The following DCBLD1 variants were observed in gnomAD, a reference collection of about 807,000 sequenced individuals.
DCBLD1 encodes discoidin, CUB and LCCL domain-containing protein 1.
A neutral mutation model predicts 71.5 loss-of-function variants in DCBLD1; 57 were observed. The observed-to-expected ratio is 0.80, with a 90% CI of 0.64 to 0.99. The LOEUF (loss-of-function observed/expected upper bound fraction) is 0.99, where lower values mean the gene tolerates loss of function less well. DCBLD1 is among the 50% of genes least tolerant of loss of function. The pLI is 0.00. For synonymous variants in DCBLD1, 380 were observed against 363.8 expected, an observed-to-expected ratio of 1.04 and a Z score of -0.51; for missense variants, 891 against 923.5, an observed-to-expected ratio of 0.96 and a Z score of 0.46.
chr6:117,494,020 T>A (rs2114385772), intron 1 of DCBLD1, among the ~76,000 whole-genome samples: 1 of 152,168 alleles, frequency 6.6e-6, no homozygotes, highest in South Asian at 2.1e-4. Context: ...AAAACTATCA[T>A]TATCAGATAT....
chr6:117,505,206 A>G (rs1456836926), intron 2 of DCBLD1, among the ~76,000 whole-genome samples: 1 of 152,218 alleles, frequency 6.6e-6, no homozygotes, highest in Non-Finnish European at 1.5e-5. Flanking sequence ...TTTTAACTGT[A>G]GTTTGACTCA....
chr6:117,534,312 T>C (rs1778817043), intron 6 of DCBLD1, among the ~76,000 whole-genome samples: 1 of 152,240 alleles, frequency 6.6e-6, no homozygotes, highest in African/African-American at 2.4e-5. Flanking sequence ...TTTCAGAACA[T>C]TAAATTTTAT....
intron 14 of DCBLD1, chr6:117,547,670 T>TCGC (rs1562126347): frequency 1.6e-5 from 13 of 814,128 alleles, no homozygotes; most frequent in South Asian, 8.7e-5. Context: ...GACGTCGTCG[T>TCGC]CGCCCCCATC....
chr6:117,531,511 G>C (rs1778718882), intron 5 of DCBLD1, among the ~76,000 whole-genome samples: 1 of 152,172 alleles, frequency 6.6e-6, no homozygotes, highest in South Asian at 2.1e-4. Flanking sequence ...TGTTCCTGCT[G>C]CATCTGTCAG....
intron 14 of DCBLD1, chr6:117,561,477 AT>A: frequency 5.0e-5 from 11 of 219,468 alleles, no homozygotes; most frequent in East Asian, 6.7e-5. Context: ...ACAATGGACA[AT>A]TTTTTTGACT....
intron 14 of DCBLD1, chr6:117,566,769 T>C (rs762280339): frequency 1.2e-5 from 10 of 818,494 alleles, no homozygotes; most frequent in African/African-American, 1.7e-5. Context: ...CAAAACAGTT[T>C]TACTGAAGAA....
intron 1 of DCBLD1, among the ~76,000 whole-genome samples, chr6:117,499,400 G>A (rs577249322): frequency 1.3e-5 from 2 of 150,162 alleles, no homozygotes; most frequent in South Asian, 2.1e-4. Flanking sequence ...GAATGAGACC[G>A]TCTCAAAAAG....
At chr6:117,539,230 C>A in intron 8 of DCBLD1, 25 bp from the exon 9 acceptor site, 2 of 1,502,306 alleles carry the variant, frequency 1.3e-6, no homozygotes, top group Non-Finnish European at 1.8e-6. Flanking sequence ...TTAAAAATAG[C>A]CTGTAAATAT....
At chr6:117,489,479 T>C (rs1357294246) in intron 1 of DCBLD1, among the ~76,000 whole-genome samples, 1 of 152,098 alleles carries the variant, frequency 6.6e-6, no homozygotes, top group African/African-American at 2.4e-5. Flanking sequence ...GATTTTTTTG[T>C]AGGAAAAGCT....
chr6:117,502,954 G>A (rs961729924), intron 1 of DCBLD1, among the ~76,000 whole-genome samples: 2 of 152,122 alleles, frequency 1.3e-5, no homozygotes, highest in Middle Eastern at 3.2e-3. Flanking sequence ...ATGAAATGCT[G>A]GTAATTCGCT....
intron 1 of DCBLD1, among the ~76,000 whole-genome samples, chr6:117,497,208 A>G (rs939718057): frequency 5.3e-5 from 8 of 152,226 alleles, no homozygotes; most frequent in Non-Finnish European, 1.0e-4. Context: ...AAATTTAAAA[A>G]AAGTATATTT....
At chr6:117,508,062 A>G (rs140403827) in intron 2 of DCBLD1, 120 of 152,310 alleles carry the variant, frequency 7.9e-4, no homozygotes, top group African/African-American at 2.6e-3. Flanking sequence ...TTGTTCTTCA[A>G]AGAGGCCCAT....
chr6:117,512,117 A>G (rs1778043809), intron 2 of DCBLD1, among the ~76,000 whole-genome samples: 1 of 152,114 alleles, frequency 6.6e-6, no homozygotes, highest in South Asian at 2.1e-4. Flanking sequence ...TTCCCCATAA[A>G]TACTTCCCTG....
At chr6:117,545,660 A>G in intron 14 of DCBLD1, 63 bp downstream of exon 14, 1 of 1,559,726 alleles carries the variant, frequency 6.4e-7, no homozygotes, top group East Asian at 2.3e-5. Context: ...GGGGAGGGAG[A>G]CAGGAGAGAA....
chr6:117,528,242 A>T (rs1040608892), intron 5 of DCBLD1, among the ~76,000 whole-genome samples: 1 of 152,200 alleles, frequency 6.6e-6, no homozygotes, highest in East Asian at 1.9e-4. Context: ...CAGCATTTCT[A>T]TAAAGAATGC....
rs1209501268 is a variant in DCBLD1 at position 117,503,811 on chromosome 6, A to T, written c.157A>T (p.Met53Leu). The change falls in exon 2 of 15, where the codon ATG becomes TTG. Residue 53 changes from methionine (M) to leucine (L), a missense_variant. Physicochemically the swap from Met to Leu is conservative, Grantham distance 15. Transcript: ENST00000338728. ...HLVTYQDSGT[M>L]TSKNYPGTYP... ...AGTGACTTATCAGGATAGTGGCACA[A>T]TGACATCTAAGAATTATCCCGGGAC... The T allele has an allele frequency of 1.2e-6, 2 of 1,614,104 alleles. No homozygotes were observed. The highest frequency in any genetic ancestry group is 1.7e-6 in the Non-Finnish European group (2 of 1,179,996).
In DCBLD1 at chr6:117,546,845, C is replaced by T. The variant is rs989346370; in HGVS notation, c.1616-1062C>T. 2.8e-4 allele frequency among the ~76,000 whole-genome samples: 43 copies of T among 152,298 alleles called. 1 individual carries two copies. The highest frequency in any genetic ancestry group is 9.4e-4 in the African/African-American group (39 of 41,552). ...CTCAGCAGCCTGCTGGACACCTCCA[C>T]CTGCAGATGTCACCCGTTCCTCAGC... On this transcript the variant is annotated intron_variant, in intron 14 of 14. Transcript: ENST00000338728.
chr6:117,539,599 T>G (rs1583025709), intron 9 of DCBLD1: 1 of 364,108 alleles, frequency 2.7e-6, no homozygotes, highest in South Asian at 4.0e-5. Context: ...AAAAAAAAAT[T>G]TTTAATTACC....
At chr6:117,490,093 G>GCA (rs34912807) in intron 1 of DCBLD1, among the ~76,000 whole-genome samples, 30,089 of 147,104 alleles carry the variant, frequency 0.2, 3,087 homozygotes, top group African/African-American at 0.27. Context: ...TTATGTAAAT[G>GCA]CACACACACA....
Sources: allele counts gnomAD v4.1 joint callset (sites outside exome capture counted in the v4.1 genomes callset), GRCh38; gene constraint gnomAD v4.1.1; transcripts MANE v1.5; gene names NCBI Gene and HGNC (gene_info 2026-07-23, HGNC 2026-07-21).